Variants in GALNT13 observed in about 807,000 individuals in gnomAD.
GALNT13 encodes UDP-GalNAc:polypeptide N-acetylgalactosaminyltransferase 13.
GALNT13 carries 28 observed loss-of-function variants against 64.2 expected under a neutral mutation model. The observed-to-expected ratio is 0.44, with a 90% CI of 0.32 to 0.60. The LOEUF is 0.60. Ranked by LOEUF, GALNT13 falls within the 20% of genes least tolerant of loss-of-function variation. GALNT13 has a pLI of 0.05. For synonymous variants in GALNT13, 214 were observed against 224.6 expected, an observed-to-expected ratio of 0.95 and a Z score of 0.42; for missense variants, 577 against 669.8, an observed-to-expected ratio of 0.86 and a Z score of 1.53.
At chr2:154,225,127 G>GATAC (rs1688526711) in intron 4 of GALNT13, among the ~76,000 whole-genome samples, 1 of 141,288 alleles carries the variant, frequency 7.1e-6, no homozygotes, top group Non-Finnish European at 1.5e-5. Context: ...TAGATAGATA[G>GATAC]ATAGATAGAT....
In GALNT13 at chr2:154,094,712, G is replaced by A. The variant is rs148366147; in HGVS notation, c.143-45625G>A. Among the ~76,000 whole-genome samples the A allele has an allele frequency of 7.9e-5, 12 of 151,704 alleles. 1 individual carries two copies. In the East Asian group the frequency reaches 2.3e-3, roughly 30 times the overall value. On this transcript the variant is annotated intron_variant, in intron 3 of 12. Transcript: ENST00000392825. ...TTGGCAGACTACCTTTATTTTTAAA[G>A]GCAAATATTATTCATTTAACACATT...
chr2:154,363,370 C>CG (rs1553519696), intron 9 of GALNT13, among the ~76,000 whole-genome samples: 3 of 151,758 alleles, frequency 2.0e-5, no homozygotes, highest in Non-Finnish European at 4.4e-5. Context: ...TTTTGTGGAG[C>CG]GGGGGGAAGC....
chr2:153,750,527 AT>A, the GALNT13 span, among the ~76,000 whole-genome samples: 46 of 150,382 alleles, frequency 3.1e-4, 1 homozygote, highest in Admixed American at 1.7e-3. Flanking sequence ...CACCTTTTGG[AT>A]TTTTTTTTAT....
chr2:154,088,617 T>A (rs1233984020), intron 3 of GALNT13, among the ~76,000 whole-genome samples: 1 of 152,012 alleles, frequency 6.6e-6, no homozygotes, highest in African/African-American at 2.4e-5. Context: ...ACACCCAGTT[T>A]ATTTTTTGTA....
At chr2:153,109,726 C>G in the GALNT13 span, among the ~76,000 whole-genome samples, 1 of 152,060 alleles carries the variant, frequency 6.6e-6, no homozygotes, top group African/African-American at 2.4e-5. Flanking sequence ...GGACAATAAT[C>G]TGACATTTCC....
intron 4 of GALNT13, among the ~76,000 whole-genome samples, chr2:154,155,765 T>G (rs1261842850): frequency 1.3e-5 from 2 of 151,952 alleles, no homozygotes; most frequent in African/African-American, 4.8e-5. Context: ...AAATTTATAT[T>G]TGGACTTTGA....
Position 154,008,768 on chromosome 2 carries a change from C to CT in GALNT13, c.142+64135dup, listed in dbSNP as rs540365703. ...TTGCTGCAAAGGACTTGATCTCCTT[C>CT]TTTTTTATGGCTACATAGAATTCCA... On this transcript the variant is annotated intron_variant, in intron 3 of 12. Coordinates refer to ENST00000392825, the MANE Select transcript of GALNT13 (RefSeq NM_052917.4). Among the ~76,000 whole-genome samples the CT allele has an allele frequency of 1.6e-3, 249 of 152,184 alleles. 1 individual carries two copies. The highest frequency in any genetic ancestry group is 6.0e-3 in the African/African-American group (247 of 41,512).
chr2:153,796,147 A>G, the GALNT13 span, among the ~76,000 whole-genome samples: 22 of 152,316 alleles, frequency 1.4e-4, no homozygotes, highest in African/African-American at 4.3e-4. Context: ...TTTTATATAG[A>G]TGAAGTATTT....
At chr2:153,426,395 C>T in the GALNT13 span, among the ~76,000 whole-genome samples, 33 of 152,010 alleles carry the variant, frequency 2.2e-4, no homozygotes, top group African/African-American at 7.0e-4. Flanking sequence ...TGCAGATTCA[C>T]GCTTTGTACT....
the GALNT13 span, among the ~76,000 whole-genome samples, chr2:153,710,759 A>G: frequency 2.1e-3 from 320 of 152,190 alleles, no homozygotes; most frequent in Non-Finnish European, 3.7e-3. Flanking sequence ...TAATTATCAT[A>G]TACATTGGGA....
intron 3 of GALNT13, among the ~76,000 whole-genome samples, chr2:154,086,371 T>TATCA (rs1248073413): frequency 6.7e-6 from 1 of 148,264 alleles, no homozygotes; most frequent in Admixed American, 6.8e-5. Flanking sequence ...TTTCTTTATA[T>TATCA]ATCACCAATT....
the GALNT13 span, among the ~76,000 whole-genome samples, chr2:153,435,010 T>A: frequency 1.3e-5 from 2 of 152,234 alleles, no homozygotes; most frequent in East Asian, 1.9e-4. Context: ...TTTTGTATAC[T>A]GTGTAAGGAA....
intron 3 of GALNT13, among the ~76,000 whole-genome samples, chr2:154,001,129 T>C (rs1338296222): frequency 6.6e-6 from 1 of 151,978 alleles, no homozygotes; most frequent in Non-Finnish European, 1.5e-5. Flanking sequence ...TAGTTTCAGT[T>C]TGTGTGGAAT....
chr2:154,367,203 G>A (rs554765412), intron 9 of GALNT13, among the ~76,000 whole-genome samples: 1 of 152,098 alleles, frequency 6.6e-6, no homozygotes, highest in Non-Finnish European at 1.5e-5. Flanking sequence ...TCGAACATAA[G>A]CAAGATCATT....
the GALNT13 span, among the ~76,000 whole-genome samples, chr2:153,325,079 T>TG: frequency 9.3e-5 from 14 of 150,192 alleles, no homozygotes; most frequent in East Asian, 2.6e-3. Context: ...TTAGTACCTC[T>TG]GGCAGAATTT....
chr2:153,842,198 T>C, the GALNT13 span, among the ~76,000 whole-genome samples: 2 of 151,992 alleles, frequency 1.3e-5, no homozygotes, highest in African/African-American at 4.8e-5. Context: ...GGCCAGAATA[T>C]GATGAAAAGG....
At chr2:154,404,088 T>A (rs1178420950) in intron 10 of GALNT13, among the ~76,000 whole-genome samples, 1 of 152,194 alleles carries the variant, frequency 6.6e-6, no homozygotes, top group African/African-American at 2.4e-5. Flanking sequence ...TGTCTATTGC[T>A]ATTCTCCCAG....
At chr2:153,537,419 A>G in the GALNT13 span, among the ~76,000 whole-genome samples, 1 of 152,172 alleles carries the variant, frequency 6.6e-6, no homozygotes. Context: ...GTTTATAAGT[A>G]TAGATTCTTT....
the GALNT13 span, among the ~76,000 whole-genome samples, chr2:153,494,371 A>T: frequency 2.0e-5 from 3 of 152,034 alleles, no homozygotes; most frequent in African/African-American, 7.2e-5. Context: ...TTTGGTGGAC[A>T]TGCACTATTT....
Sources: gnomAD v4.1 joint callset for allele counts (sites outside exome capture counted in the v4.1 genomes callset) on GRCh38, gnomAD v4.1.1 for gene constraint, MANE v1.5 for transcripts, NCBI Gene and HGNC (gene_info 2026-07-23, HGNC 2026-07-21) for gene names.